The following MEI1 variants were observed in gnomAD, a reference collection of about 807,000 sequenced individuals.
The protein encoded by MEI1 is meiosis inhibitor protein 1.
Under a neutral mutation model 146.2 loss-of-function variants are expected in MEI1, and 103 were observed. The ratio of observed to expected loss-of-function variants is 0.70; its 90% confidence interval spans 0.60 to 0.83. MEI1 has a LOEUF of 0.83. Among genes scored for constraint, MEI1 ranks in the 40% least tolerant of loss-of-function variants. The probability of loss-of-function intolerance (pLI) is 0.00; values close to 1 mark genes in which losing one functional copy is unlikely to be tolerated. For missense variants in MEI1, 1,529 were observed against 1,533.0 expected, an observed-to-expected ratio of 1.00 and a Z score of 0.04; for synonymous variants, 652 against 628.2, an observed-to-expected ratio of 1.04 and a Z score of -0.57.
chr22:41,714,725 A>G (rs915653820), intron 4 of MEI1, among the ~76,000 whole-genome samples: 1 of 151,838 alleles, frequency 6.6e-6, no homozygotes, highest in East Asian at 1.9e-4. Context: ...ACAAAAAAAA[A>G]AAAAAATTAG....
At chr22:41,771,101 G>A (rs2075158268) in intron 20 of MEI1, 140 bp downstream of exon 20, 4 of 940,398 alleles carry the variant, frequency 4.3e-6, no homozygotes, top group South Asian at 3.2e-5. Flanking sequence ...TGAGTTGGAG[G>A]GGTGGTGGTC....
intron 26 of MEI1, among the ~76,000 whole-genome samples, chr22:41,785,895 A>AC (rs2075958429): frequency 8.1e-6 from 1 of 124,028 alleles, no homozygotes. Flanking sequence ...TTATTTTTTT[A>AC]TTTTTTTATT....
At chr22:41,797,389 A>G (rs542035740) in intron 30 of MEI1, among the ~76,000 whole-genome samples, 4 of 152,190 alleles carry the variant, frequency 2.6e-5, no homozygotes, top group African/African-American at 9.6e-5. Flanking sequence ...AGGTGGGTGG[A>G]TCATCTGAGG....
Position 41,701,416 on chromosome 22 carries a change from G to A in MEI1, c.174+1704G>A, listed in dbSNP as rs1053318697. On this transcript the variant is annotated intron_variant, in intron 1 of 30. Transcript: ENST00000401548. ...GAGGCCGAGGTGGTTGGATCACGAGGCCAGAAGTTCAAGACCAGCCTGGCC... is the reference window on the plus strand; with the variant it reads ...GAGGCCGAGGTGGTTGGATCACGAGACCAGAAGTTCAAGACCAGCCTGGCC... 2.0e-5 allele frequency among the ~76,000 whole-genome samples: 3 copies of A among 151,904 alleles called. 1 individual carries two copies. The highest frequency in any genetic ancestry group is 7.3e-5 in the African/African-American group (3 of 41,338).
intron 26 of MEI1, among the ~76,000 whole-genome samples, chr22:41,791,639 A>T (rs749500664): frequency 6.6e-6 from 1 of 152,188 alleles, no homozygotes; most frequent in African/African-American, 2.4e-5. Flanking sequence ...AAATAAGAAC[A>T]CAGATAATAG....
chr22:41,713,937 G>T, intron 3 of MEI1, 65 bp from the exon 4 acceptor site: 2 of 1,322,404 alleles, frequency 1.5e-6, no homozygotes, highest in South Asian at 1.3e-5. Context: ...GAGTAGAAGG[G>T]CCATGGAAGG....
At position 41,766,704 on chromosome 22, in the gene MEI1, A is replaced by G. The variant is rs140416418; in HGVS notation, c.2268+3383A>G. ...TGGTACCACAGGCATGCACCACTGC[A>G]TATGCCTGGCTAATTATTTTTATTT... On this transcript the variant is annotated intron_variant, in intron 19 of 30. Coordinates refer to ENST00000401548, the MANE Select transcript of MEI1 (RefSeq NM_152513.4). Among the ~76,000 whole-genome samples, 243 of 151,938 alleles carry G rather than the reference A, an allele frequency of 1.6e-3. 3 individuals are homozygous for G. Among genetic ancestry groups the G allele is most frequent in the Middle Eastern group, 0.014 (4 of 294 alleles).
intron 19 of MEI1, among the ~76,000 whole-genome samples, chr22:41,769,731 C>T (rs1241566359): frequency 6.6e-6 from 1 of 151,768 alleles, no homozygotes; most frequent in Non-Finnish European, 1.5e-5. Context: ...CTCAGCCTCC[C>T]AAAGTGCTGG....
At chr22:41,786,161 C>T (rs1395922893) in intron 26 of MEI1, among the ~76,000 whole-genome samples, 4 of 151,948 alleles carry the variant, frequency 2.6e-5, no homozygotes, top group African/African-American at 4.8e-5. Context: ...CCGCCCGCCT[C>T]GGCCTCCCAA....
At chr22:41,732,782 T>TC (rs991404482) in intron 11 of MEI1, among the ~76,000 whole-genome samples, 179 bp downstream of exon 11, 5 of 151,544 alleles carry the variant, frequency 3.3e-5, no homozygotes, top group African/African-American at 1.2e-4. Flanking sequence ...AAAAATTTTT[T>TC]TTTTTTTTTT....
At chr22:41,763,463 G>A (rs1310236737) in intron 19 of MEI1, 142 bp downstream of exon 19, 2 of 829,036 alleles carry the variant, frequency 2.4e-6, no homozygotes, top group Non-Finnish European at 3.7e-6. Context: ...GTGGAGAGGA[G>A]TAGGATGCAG....
chr22:41,734,626 A>T (rs142700922), intron 11 of MEI1, among the ~76,000 whole-genome samples: 1 of 152,126 alleles, frequency 6.6e-6, no homozygotes, highest in East Asian at 1.9e-4. Flanking sequence ...GAATGTAAAT[A>T]GTTGTCATGC....
rs140809179 is a variant in MEI1 at position 41,739,956 on chromosome 22, C to T, written c.1332-3124C>T. Among the ~76,000 whole-genome samples the T allele has an allele frequency of 4.0e-3, 607 of 151,640 alleles. 2 individuals are homozygous for T. Among genetic ancestry groups the T allele is most frequent in the Middle Eastern group, 0.024 (7 of 294 alleles). On this transcript the variant is annotated intron_variant, in intron 11 of 30. Coordinates refer to ENST00000401548, the MANE Select transcript of MEI1 (RefSeq NM_152513.4). ...GGTGTTGCCTGGAGAAGCAGGAAAG[C>T]TGTTGGGTCAGAATTGTGGAGAGAG...
intron 17 of MEI1, among the ~76,000 whole-genome samples, chr22:41,755,187 G>C (rs1195814394): frequency 6.6e-6 from 1 of 152,150 alleles, no homozygotes; most frequent in East Asian, 1.9e-4. Flanking sequence ...TCTTAGACCT[G>C]TCTCCTGATA....
intron 26 of MEI1, among the ~76,000 whole-genome samples, chr22:41,793,073 T>C (rs977592477): frequency 3.8e-4 from 51 of 135,470 alleles, no homozygotes; most frequent in Non-Finnish European, 6.5e-4. Flanking sequence ...TCAGATAGAG[T>C]CTTGCTCTGT....
intron 22 of MEI1, among the ~76,000 whole-genome samples, chr22:41,780,578 TTTC>T (rs1488441157): frequency 1.3e-4 from 17 of 130,814 alleles, no homozygotes; most frequent in Non-Finnish European, 2.2e-4. Flanking sequence ...ATTTTTTTCT[TTTC>T]TTTTTTTTTT....
At chr22:41,770,633 C>G (rs2075124225) in intron 19 of MEI1, 53 bp from the exon 20 acceptor site, 2 of 1,542,700 alleles carry the variant, frequency 1.3e-6, no homozygotes, top group East Asian at 4.5e-5. Flanking sequence ...ATGTTGGGGT[C>G]TCTTGGGTCC....
At chr22:41,771,111 C>A in intron 20 of MEI1, 150 bp downstream of exon 20, 1 of 856,952 alleles carries the variant, frequency 1.2e-6, no homozygotes, top group Non-Finnish European at 1.8e-6. Flanking sequence ...GGGTGGTGGT[C>A]TCTTCTACTT....
Position 41,784,406 on chromosome 22 carries a change from C to G in MEI1, c.3155C>G (p.Ala1052Gly), listed in dbSNP as rs1271110104. The change falls in exon 25 of 31, where the codon GCT becomes GGT. Residue 1052 changes from alanine to glycine, a missense_variant. This residue lies in a region of MEI1 where 313 missense variants were observed against 337.3 expected (regional missense o/e 0.93). Coordinates refer to ENST00000401548, the MANE Select transcript of MEI1 (RefSeq NM_152513.4). ...GCTCTCAGCTTTCCAAAGAAAAAGG[C>G]TGCACTACTCTCAGGTATGGGTCCA... ...LKALSFPKKK[A>G]ALLSAAILCF... 6.2e-7 allele frequency: 1 copy of G among 1,613,962 alleles called. No homozygotes were observed. The highest frequency in any genetic ancestry group is 8.5e-7 in the Non-Finnish European group (1 of 1,179,878).
Sources: gnomAD v4.1 joint callset for allele counts (sites outside exome capture counted in the v4.1 genomes callset) on GRCh38, gnomAD v4.1.1 for gene constraint, gnomAD v4.1.1 regional missense constraint, MANE v1.5 for transcripts, NCBI Gene and HGNC (gene_info 2026-07-23, HGNC 2026-07-21) for gene names.